The following HDAC9 variants were observed in gnomAD, a reference collection of about 807,000 sequenced individuals.
The protein encoded by HDAC9 is MEF-2 interacting transcription repressor (MITR) protein.
Under a neutral mutation model 139.4 loss-of-function variants are expected in HDAC9, and 41 were observed. That is an observed-to-expected ratio of 0.29 (90% confidence interval 0.23 to 0.38). The LOEUF is 0.38. HDAC9 is among the 10% of genes least tolerant of loss of function. HDAC9 has a pLI of 1.00. For missense variants in HDAC9, 1,147 were observed against 1,297.0 expected, an observed-to-expected ratio of 0.88 and a Z score of 1.78; for synonymous variants, 517 against 476.2, an observed-to-expected ratio of 1.09 and a Z score of -1.12.
intron 1 of HDAC9, among the ~76,000 whole-genome samples, chr7:18,441,665 T>C (rs1023438709): frequency 4.6e-5 from 7 of 152,346 alleles, no homozygotes; most frequent in African/African-American, 1.7e-4. Context: ...TTTAGAAATA[T>C]AAAACAAAAG....
At chr7:18,149,643 C>T (rs927366381) in intron 1 of HDAC9, among the ~76,000 whole-genome samples, 5 of 151,946 alleles carry the variant, frequency 3.3e-5, no homozygotes, top group East Asian at 1.9e-4. Flanking sequence ...CTTCGCCTCC[C>T]GGGTTCACGC....
At chr7:18,904,742 A>AT (rs1415430279) in intron 22 of HDAC9, among the ~76,000 whole-genome samples, 1 of 151,278 alleles carries the variant, frequency 6.6e-6, no homozygotes, top group Admixed American at 6.6e-5. Flanking sequence ...CGCCCGGCTA[A>AT]TTTTTTGTAT....
chr7:18,088,205 G>A (rs149209803), intron 1 of HDAC9, among the ~76,000 whole-genome samples: 1 of 152,214 alleles, frequency 6.6e-6, no homozygotes, highest in Non-Finnish European at 1.5e-5. Context: ...TATGTGGGGT[G>A]TGTATGTGTG....
intron 24 of HDAC9, among the ~76,000 whole-genome samples, chr7:18,962,763 G>C (rs1192259960): frequency 1.3e-5 from 2 of 152,144 alleles, no homozygotes; most frequent in East Asian, 3.8e-4. Flanking sequence ...TCAGGTTTGA[G>C]GGAAGATCGT....
intron 12 of HDAC9, among the ~76,000 whole-genome samples, chr7:18,684,923 T>C (rs1782159159): frequency 6.6e-6 from 1 of 152,058 alleles, no homozygotes; most frequent in Admixed American, 6.6e-5. Context: ...TTTAAACATT[T>C]GAAATTTGAA....
At chr7:18,142,833 C>G (rs1461383889) in intron 1 of HDAC9, among the ~76,000 whole-genome samples, 1 of 152,168 alleles carries the variant, frequency 6.6e-6, no homozygotes, top group Non-Finnish European at 1.5e-5. Context: ...CAACTTCTGC[C>G]TCCTCCTCTC....
chr7:18,757,987 C>A (rs1174949773), intron 14 of HDAC9, among the ~76,000 whole-genome samples: 3 of 152,128 alleles, frequency 2.0e-5, no homozygotes, highest in African/African-American at 7.2e-5. Flanking sequence ...TGATCATATT[C>A]CTAACCACAG....
intron 2 of HDAC9, chr7:18,543,187 T>G (rs1371511850): frequency 6.6e-6 from 1 of 152,186 alleles, no homozygotes; most frequent in Admixed American, 6.5e-5. Flanking sequence ...CCAAATTCTC[T>G]ACCCACACAC....
chr7:18,191,965 T>C (rs1288753007), intron 2 of HDAC9, among the ~76,000 whole-genome samples: 1 of 152,188 alleles, frequency 6.6e-6, no homozygotes, highest in African/African-American at 2.4e-5. Context: ...TTCTAAGCTA[T>C]GACGAGAAGA....
chr7:18,948,595 T>C (rs1440464790), intron 23 of HDAC9, among the ~76,000 whole-genome samples: 5 of 152,142 alleles, frequency 3.3e-5, no homozygotes, highest in Non-Finnish European at 7.4e-5. Flanking sequence ...AAAAACATTT[T>C]AATAATGAGT....
At chr7:18,354,240 A>C (rs1307172365) in intron 1 of HDAC9, among the ~76,000 whole-genome samples, 2 of 152,206 alleles carry the variant, frequency 1.3e-5, no homozygotes, top group East Asian at 3.8e-4. Flanking sequence ...TATGGTCTCT[A>C]GTTACTTTTC....
chr7:18,134,638 C>T (rs528398786), intron 1 of HDAC9, among the ~76,000 whole-genome samples: 91 of 152,286 alleles, frequency 6.0e-4, no homozygotes, highest in African/African-American at 1.9e-3. Context: ...TTCTTAAGCA[C>T]TAGGTGTGAT....
chr7:18,895,548 A>T (rs939762560), intron 22 of HDAC9, among the ~76,000 whole-genome samples: 2 of 152,150 alleles, frequency 1.3e-5, no homozygotes, highest in South Asian at 2.1e-4. Flanking sequence ...ACTAAATCCT[A>T]TTCTAAAGAT....
rs180792624 is a variant in HDAC9, at chr7:18,315,482, C to T, written c.-42+24967C>T. Among the ~76,000 whole-genome samples, 31 of 152,320 alleles carry T rather than the reference C, an allele frequency of 2.0e-4. No homozygotes were observed. In the East Asian group the frequency reaches 4.4e-3, roughly 22 times the overall value. On this transcript the variant is annotated intron_variant, in intron 1 of 3. Transcript: ENST00000413509. ...TTAACCTCTGTGCTTTATACTTTCT[C>T]TCATTTCACTGCATATTAGTTAACA...
chr7:18,294,953 A>G (rs565754379), intron 1 of HDAC9, among the ~76,000 whole-genome samples: 4 of 152,232 alleles, frequency 2.6e-5, no homozygotes, highest in South Asian at 4.1e-4. Flanking sequence ...TTATGATCCT[A>G]TGGTGTTTAG....
intron 1 of HDAC9, among the ~76,000 whole-genome samples, chr7:18,298,449 C>A (rs1045951319): frequency 1.1e-4 from 16 of 152,006 alleles, no homozygotes; most frequent in Admixed American, 6.6e-4. Context: ...CCCACCCCAC[C>A]ACAGTCCCCA....
chr7:18,788,290 C>T (rs1482068882), intron 16 of HDAC9, among the ~76,000 whole-genome samples: 3 of 152,126 alleles, frequency 2.0e-5, no homozygotes, highest in Non-Finnish European at 4.4e-5. Context: ...ACAGGCTCTC[C>T]CATATCATAC....
chr7:18,623,934 A>G (rs1453328081), intron 6 of HDAC9, among the ~76,000 whole-genome samples: 1 of 152,066 alleles, frequency 6.6e-6, no homozygotes, highest in Non-Finnish European at 1.5e-5. Context: ...GCAAGACTCC[A>G]TTGCAGGGGG....
At chr7:18,415,049 A>G (rs1280520396) in intron 1 of HDAC9, among the ~76,000 whole-genome samples, 5 of 152,050 alleles carry the variant, frequency 3.3e-5, no homozygotes, top group Admixed American at 2.0e-4. Context: ...TATTTTCCCG[A>G]ATTTTACAGA....
Sources: allele counts gnomAD v4.1 joint callset (sites outside exome capture counted in the v4.1 genomes callset), GRCh38; gene constraint gnomAD v4.1.1; transcripts MANE v1.5; gene names NCBI Gene and HGNC (gene_info 2026-07-23, HGNC 2026-07-21).